Variants in ZNF521 observed in about 807,000 individuals in gnomAD.
The protein encoded by ZNF521 is zinc finger protein 521.
Under a neutral mutation model 105.5 loss-of-function variants are expected in ZNF521, and 14 were observed. The observed-to-expected ratio is 0.13, with a 90% CI of 0.09 to 0.21. ZNF521 has a LOEUF of 0.21. Ranked by LOEUF, ZNF521 falls within the 10% of genes least tolerant of loss-of-function variation. ZNF521 has a pLI of 1.00. For synonymous variants in ZNF521, 635 were observed against 606.0 expected, an observed-to-expected ratio of 1.05 and a Z score of -0.70; for missense variants, 1,233 against 1,629.7, an observed-to-expected ratio of 0.76 and a Z score of 4.19.
intron 2 of ZNF521, among the ~76,000 whole-genome samples, chr18:25,343,460 ATGT>A (rs1462769572): frequency 6.6e-6 from 1 of 152,238 alleles, no homozygotes; most frequent in African/African-American, 2.4e-5. Context: ...GTGTCACAAT[ATGT>A]TGTGATAACT....
chr18:25,256,118 T>C (rs1908484430), intron 3 of ZNF521, among the ~76,000 whole-genome samples: 1 of 151,302 alleles, frequency 6.6e-6, no homozygotes, highest in African/African-American at 2.4e-5. Context: ...GCAACACAGA[T>C]GAACCTTGCA....
chr18:25,136,336 A>G (rs2034733434), intron 5 of ZNF521, among the ~76,000 whole-genome samples: 1 of 152,144 alleles, frequency 6.6e-6, no homozygotes, highest in African/African-American at 2.4e-5. Flanking sequence ...ACCTAGTTCA[A>G]CTCTTTCACA....
intron 2 of ZNF521, among the ~76,000 whole-genome samples, chr18:25,333,930 A>T (rs981957992): frequency 2.6e-5 from 4 of 152,220 alleles, no homozygotes; most frequent in Non-Finnish European, 5.9e-5. Context: ...TCTTCCCAGA[A>T]GTCAAGCTGG....
chr18:25,119,848 AC>A (rs1410281582), intron 5 of ZNF521, among the ~76,000 whole-genome samples: 1 of 152,138 alleles, frequency 6.6e-6, no homozygotes, highest in African/African-American at 2.4e-5. Flanking sequence ...TCAATGAAAT[AC>A]AAAATAAACC....
intron 5 of ZNF521, among the ~76,000 whole-genome samples, chr18:25,093,067 A>T (rs1167389900): frequency 6.6e-6 from 1 of 152,208 alleles, no homozygotes; most frequent in Non-Finnish European, 1.5e-5. Context: ...ATTTAATTGC[A>T]CTAAAACCCT....
intron 5 of ZNF521, among the ~76,000 whole-genome samples, chr18:25,123,521 G>A (rs2034484242): frequency 6.6e-6 from 1 of 152,130 alleles, no homozygotes; most frequent in Non-Finnish European, 1.5e-5. Flanking sequence ...ATTAACCTAG[G>A]TGATGCAACT....
intron 5 of ZNF521, among the ~76,000 whole-genome samples, chr18:25,095,911 A>G (rs567001922): frequency 6.6e-6 from 1 of 152,292 alleles, no homozygotes; most frequent in East Asian, 1.9e-4. Context: ...TCTGTTGGAT[A>G]CTGAGGGAGG....
intron 4 of ZNF521, among the ~76,000 whole-genome samples, chr18:25,221,126 T>C (rs1253947140): frequency 2.0e-5 from 3 of 152,208 alleles, no homozygotes; most frequent in Non-Finnish European, 2.9e-5. Flanking sequence ...ACTGCAAATT[T>C]AGATTAATAA....
At chr18:25,082,996 G>A (rs570381756) in intron 7 of ZNF521, among the ~76,000 whole-genome samples, 117 of 152,172 alleles carry the variant, frequency 7.7e-4, no homozygotes, top group African/African-American at 2.7e-3. Flanking sequence ...GTTTGCAAAA[G>A]AGGATTTCAG....
intron 4 of ZNF521, among the ~76,000 whole-genome samples, chr18:25,212,624 T>C (rs1483932260): frequency 6.9e-6 from 1 of 144,840 alleles, no homozygotes; most frequent in Non-Finnish European, 1.5e-5. Context: ...GCACTAAATC[T>C]ATAGATCAAT....
chr18:25,206,276 G>GGC (rs1256776526), intron 4 of ZNF521, among the ~76,000 whole-genome samples: 1 of 152,078 alleles, frequency 6.6e-6, no homozygotes, highest in East Asian at 1.9e-4. Context: ...TCAAAGTGCT[G>GGC]GGATTACAGG....
chr18:25,311,648 C>A (rs11662147), intron 3 of ZNF521, among the ~76,000 whole-genome samples: 5 of 152,082 alleles, frequency 3.3e-5, no homozygotes, highest in African/African-American at 1.2e-4. Context: ...CTTCTCCACA[C>A]GGACAAACTG....
intron 5 of ZNF521, among the ~76,000 whole-genome samples, chr18:25,146,369 T>C (rs547360666): frequency 6.6e-6 from 1 of 152,320 alleles, no homozygotes; most frequent in South Asian, 2.1e-4. Flanking sequence ...ATTCTCATAG[T>C]TGTCATATAA....
At chr18:25,273,227 A>AAAAAAAAAAAAAAAAAAAAAAAAAC (rs1909794704) in intron 3 of ZNF521, among the ~76,000 whole-genome samples, 1 of 92,378 alleles carries the variant, frequency 1.1e-5, no homozygotes. Flanking sequence ...CTCCAAAAAA[A>AAAAAAAAAAAAAAAAAAAAAAAAAC]AAAAAAAAAA....
intron 5 of ZNF521, among the ~76,000 whole-genome samples, chr18:25,137,238 G>A (rs2034752604): frequency 6.6e-6 from 1 of 152,144 alleles, no homozygotes. Context: ...TATGGCATGA[G>A]TGCAAATAGC....
intron 2 of ZNF521, among the ~76,000 whole-genome samples, chr18:25,337,234 AG>A (rs1207313059): frequency 6.6e-6 from 1 of 152,224 alleles, no homozygotes; most frequent in Non-Finnish European, 1.5e-5. Flanking sequence ...AAGAAAGATT[AG>A]GAAAAAATCC....
At chr18:25,347,506 T>G (rs1914516904) in intron 2 of ZNF521, among the ~76,000 whole-genome samples, 1 of 152,312 alleles carries the variant, frequency 6.6e-6, no homozygotes, top group South Asian at 2.1e-4. Flanking sequence ...TTAACAGGTT[T>G]AATGTACTTT....
intron 3 of ZNF521, among the ~76,000 whole-genome samples, chr18:25,306,071 C>G (rs1240473467): frequency 6.6e-6 from 1 of 152,168 alleles, no homozygotes; most frequent in African/African-American, 2.4e-5. Context: ...CAGCCATTTG[C>G]CAGAACCCAC....
chr18:25,205,411 AAAGAG>A (rs2144666580), intron 4 of ZNF521, among the ~76,000 whole-genome samples: 1 of 152,298 alleles, frequency 6.6e-6, no homozygotes, highest in South Asian at 2.1e-4. Flanking sequence ...CTGAGAAGGA[AAAGAG>A]AAGTCAAAAT....
Sources: allele counts gnomAD v4.1 joint callset (sites outside exome capture counted in the v4.1 genomes callset), GRCh38; gene constraint gnomAD v4.1.1; transcripts MANE v1.5; gene names NCBI Gene and HGNC (gene_info 2026-07-23, HGNC 2026-07-21).